The following ACTR3C variants were observed in gnomAD, a reference collection of about 807,000 sequenced individuals.
ACTR3C encodes actin-related protein 3C.
ACTR3C carries 18 observed loss-of-function variants against 26.3 expected under a neutral mutation model. The observed-to-expected ratio is 0.68, with a 90% CI of 0.47 to 1.01. The LOEUF (loss-of-function observed/expected upper bound fraction) is 1.01. Among genes scored for constraint, ACTR3C ranks in the 50% least tolerant of loss-of-function variants. The probability of loss-of-function intolerance (pLI) is 0.00; values close to 1 mark genes in which losing one functional copy is unlikely to be tolerated. For synonymous variants in ACTR3C, 55 were observed against 94.5 expected (o/e 0.58, Z 2.42); for missense variants, 184 against 250.7 (o/e 0.73, Z 1.80).
chr7:150,249,566 G>C (rs1267766741), intron 6 of ACTR3C, among the ~76,000 whole-genome samples: 2 of 152,120 alleles, frequency 1.3e-5, no homozygotes, highest in Non-Finnish European at 2.9e-5. Context: ...CCATTCTCCT[G>C]TCTCAGCCTC....
the ACTR3C span, among the ~76,000 whole-genome samples, chr7:149,943,102 C>T: frequency 4.6e-5 from 7 of 151,870 alleles, no homozygotes; most frequent in Admixed American, 1.3e-4. Flanking sequence ...ACTATGGCCC[C>T]GGGGCCTGCT....
chr7:150,293,677 T>C (rs1477531082), intron 2 of ACTR3C, among the ~76,000 whole-genome samples: 1 of 152,266 alleles, frequency 6.6e-6, no homozygotes, highest in Non-Finnish European at 1.5e-5. Context: ...GACTCATGCC[T>C]GTAATCCCAA....
At chr7:150,012,317 C>CTTTTT in the ACTR3C span, among the ~76,000 whole-genome samples, 31 of 131,272 alleles carry the variant, frequency 2.4e-4, 5 homozygotes, top group South Asian at 3.0e-3. Context: ...ATAAATGCAT[C>CTTTTT]TTTTTTTTTT....
At chr7:150,009,388 G>T in the ACTR3C span, among the ~76,000 whole-genome samples, 11 of 152,374 alleles carry the variant, frequency 7.2e-5, no homozygotes, top group East Asian at 2.1e-3. Context: ...AACACCCGAT[G>T]AAATTTCCAA....
chr7:150,142,356 G>C, the ACTR3C span, among the ~76,000 whole-genome samples: 2 of 152,120 alleles, frequency 1.3e-5, no homozygotes, highest in Admixed American at 1.3e-4. Flanking sequence ...TCGGGTGGAG[G>C]GAATGAGGCA....
At chr7:150,015,113 G>T in the ACTR3C span, among the ~76,000 whole-genome samples, 1 of 152,158 alleles carries the variant, frequency 6.6e-6, no homozygotes. Context: ...ATTAAATAAG[G>T]TTTATTCATT....
chr7:150,024,962 T>C, the ACTR3C span, among the ~76,000 whole-genome samples: 1 of 152,088 alleles, frequency 6.6e-6, no homozygotes, highest in African/African-American at 2.4e-5. Context: ...AGCAGCAGCA[T>C]GCTGTTAGCA....
the ACTR3C span, among the ~76,000 whole-genome samples, chr7:150,149,967 C>T: frequency 6.6e-6 from 1 of 152,170 alleles, no homozygotes; most frequent in South Asian, 2.1e-4. Flanking sequence ...CACATGCCCA[C>T]AGAACTGAAG....
chr7:150,049,584 C>T, the ACTR3C span, among the ~76,000 whole-genome samples: 1 of 152,276 alleles, frequency 6.6e-6, no homozygotes, highest in South Asian at 2.1e-4. Context: ...TGCAGGCTCG[C>T]CCCCAGCCTT....
chr7:149,989,642 T>G, the ACTR3C span, among the ~76,000 whole-genome samples: 222 of 152,386 alleles, frequency 1.5e-3, no homozygotes, highest in African/African-American at 2.1e-3. Context: ...AGTATTCCAT[T>G]GTGTGCATAC....
chr7:150,157,963 A>C, the ACTR3C span, among the ~76,000 whole-genome samples: 1 of 152,164 alleles, frequency 6.6e-6, no homozygotes, highest in Non-Finnish European at 1.5e-5. Flanking sequence ...ATTAATATCC[A>C]GAGAAGAAGG....
chr7:150,188,923 T>C, the ACTR3C span, among the ~76,000 whole-genome samples: 98 of 147,672 alleles, frequency 6.6e-4, 1 homozygote, highest in Non-Finnish European at 9.9e-4. Flanking sequence ...ATAACAACTA[T>C]ACACACAAAT....
At chr7:149,992,855 T>C in the ACTR3C span, among the ~76,000 whole-genome samples, 1 of 152,176 alleles carries the variant, frequency 6.6e-6, no homozygotes, top group Non-Finnish European at 1.5e-5. Flanking sequence ...AAGCCGGTAG[T>C]GGCTCAGTCC....
At chr7:150,308,070 C>T (rs531891354) in intron 1 of ACTR3C, among the ~76,000 whole-genome samples, 10 of 152,232 alleles carry the variant, frequency 6.6e-5, no homozygotes, top group East Asian at 1.9e-4. Context: ...ACTGCGGGGA[C>T]GCCTGCCTGA....
chr7:150,211,695 C>T, the ACTR3C span, among the ~76,000 whole-genome samples: 1 of 150,876 alleles, frequency 6.6e-6, no homozygotes, highest in African/African-American at 2.5e-5. Context: ...GAGAGGTGCC[C>T]ACCCACCTGA....
the ACTR3C span, among the ~76,000 whole-genome samples, chr7:150,172,564 C>T: frequency 6.7e-6 from 1 of 150,018 alleles, no homozygotes; most frequent in African/African-American, 2.5e-5. Context: ...CATATCATTC[C>T]ATCCCTGGCC....
chr7:150,257,263 G>A (rs1833285027), intron 6 of ACTR3C, among the ~76,000 whole-genome samples: 1 of 152,200 alleles, frequency 6.6e-6, no homozygotes, highest in African/African-American at 2.4e-5. Context: ...GGGCCTCTGT[G>A]CTAGTTTACA....
chr7:150,180,171 C>G, the ACTR3C span, among the ~76,000 whole-genome samples: 25 of 149,866 alleles, frequency 1.7e-4, no homozygotes, highest in East Asian at 1.4e-3. Context: ...CGGGCGTGGT[C>G]GTGGGCACCT....
chr7:149,900,207 G>T, the ACTR3C span, among the ~76,000 whole-genome samples: 124,176 of 148,788 alleles, frequency 0.83, 53,601 homozygotes, highest in East Asian at 1. Context: ...ATGGAGTATC[G>T]CTCTGTCACC....
Sources: gnomAD v4.1 joint callset for allele counts (sites outside exome capture counted in the v4.1 genomes callset) on GRCh38, gnomAD v4.1.1 for gene constraint, MANE v1.5 for transcripts, NCBI Gene and HGNC (gene_info 2026-07-23, HGNC 2026-07-21) for gene names.